PTPRO: variants seen among roughly 807,000 people sequenced by gnomAD.
PTPRO encodes the protein protein tyrosine phosphatase receptor type O, also known as receptor-type tyrosine-protein phosphatase O.
Under a neutral mutation model 145.2 loss-of-function variants are expected in PTPRO, and 62 were observed. The observed-to-expected ratio is 0.43, with a 90% CI of 0.35 to 0.53. The LOEUF (loss-of-function observed/expected upper bound fraction) is 0.53, where lower values mean the gene tolerates loss of function less well. Among genes scored for constraint, PTPRO ranks in the 20% least tolerant of loss-of-function variants. The pLI, the probability that PTPRO is intolerant of heterozygous loss-of-function variation, is 0.01. For synonymous variants in PTPRO, 565 were observed against 514.7 expected (o/e 1.10, Z -1.32); for missense variants, 1,345 against 1,482.7 (o/e 0.91, Z 1.53).
rs773054091 is a variant in PTPRO, at chr12:15,484,121, A to T, written c.223A>T (p.Asn75Tyr). ...KNYFFEFEEFNSTLPPPVIFK... is the reference protein window; with the variant it reads ...KNYFFEFEEFYSTLPPPVIFK... ...TTATTTCTTCGAATTTGAGGAATTC[A>T]ACAGCACTTTGCCTCCTCCTGTTAT... Residue 75 changes from asparagine (N) to tyrosine (Y), a missense_variant, in exon 2 of 27, where the codon AAC (asparagine) becomes TAC (tyrosine). Physicochemically the swap from Asn to Tyr is moderately radical, Grantham distance 143. Transcript: ENST00000281171. 6.2e-7 allele frequency: 1 copy of T among 1,613,866 alleles called. No homozygotes were observed. Among genetic ancestry groups the T allele is most frequent in the Non-Finnish European group, 8.5e-7 (1 of 1,179,826 alleles).
At chr12:15,504,366 A>G (rs906226594) in intron 6 of PTPRO, among the ~76,000 whole-genome samples, 1 of 152,190 alleles carries the variant, frequency 6.6e-6, no homozygotes, top group Non-Finnish European at 1.5e-5. Flanking sequence ...AAGGATGTGG[A>G]CATACAGTTT....
chr12:15,539,157 G>A (rs1943126488), intron 12 of PTPRO, among the ~76,000 whole-genome samples: 1 of 152,030 alleles, frequency 6.6e-6, no homozygotes. Context: ...GAATCAGAAG[G>A]GTGAGGGGGT....
At chr12:15,333,579 ATGCAGGTG>A (rs1323668510) in intron 1 of PTPRO, among the ~76,000 whole-genome samples, 1 of 152,224 alleles carries the variant, frequency 6.6e-6, no homozygotes, top group African/African-American at 2.4e-5. Context: ...GAATAGCAGG[ATGCAGGTG>A]TGCAAGCACA....
intron 2 of PTPRO, among the ~76,000 whole-genome samples, chr12:15,485,118 G>C (rs1311170015): frequency 6.6e-6 from 1 of 152,112 alleles, no homozygotes; most frequent in Non-Finnish European, 1.5e-5. Context: ...TGGAAAGACA[G>C]TGATATTATC....
chr12:15,508,688 G>T lies in PTPRO; in HGVS notation c.1385G>T (p.Ser462Ile). 6.2e-7 allele frequency: 1 copy of T among 1,614,060 alleles called. No homozygotes were observed. The highest frequency in any genetic ancestry group is 2.2e-5 in the East Asian group (1 of 44,860). Residue 462 changes from serine (S) to isoleucine (I), a missense_variant, in exon 7 of 27, where the codon AGC (serine) becomes ATC (isoleucine). Ser to Ile is a moderately radical substitution (Grantham distance 142). Coordinates refer to ENST00000281171, the MANE Select transcript of PTPRO (RefSeq NM_030667.3). ...SWTSSQENYNSTIVSVVSLTC... is the reference protein window; with the variant it reads ...SWTSSQENYNITIVSVVSLTC... The stretch of plus-strand genomic sequence containing the variant: ...ACATCTTCCCAAGAGAACTACAACA[G>T]CACCATTGTGTCTGTGGTGTCGCTG...
intron 1 of PTPRO, among the ~76,000 whole-genome samples, chr12:15,413,747 G>A (rs1045383214): frequency 1.3e-5 from 2 of 152,062 alleles, no homozygotes; most frequent in Non-Finnish European, 2.9e-5. Context: ...CCTGAGAGGC[G>A]GAGGTTGCAG....
At chr12:15,583,502 A>C (rs531260469) in intron 23 of PTPRO, among the ~76,000 whole-genome samples, 8 of 148,306 alleles carry the variant, frequency 5.4e-5, no homozygotes, top group East Asian at 2.0e-4. Context: ...CACACACAAA[A>C]AAAATCAACA....
chr12:15,429,907 G>A (rs1170110161), intron 1 of PTPRO, among the ~76,000 whole-genome samples: 1 of 152,154 alleles, frequency 6.6e-6, no homozygotes, highest in Non-Finnish European at 1.5e-5. Context: ...GAAGGTAAGA[G>A]AGGAGTTGAA....
At chr12:15,483,456 A>G (rs1435761095) in intron 1 of PTPRO, among the ~76,000 whole-genome samples, 1 of 152,150 alleles carries the variant, frequency 6.6e-6, no homozygotes, top group Non-Finnish European at 1.5e-5. Context: ...ACAAGGATCA[A>G]CACCAGTTTC....
intron 1 of PTPRO, among the ~76,000 whole-genome samples, chr12:15,324,981 T>C (rs1866406950): frequency 6.6e-6 from 1 of 152,084 alleles, no homozygotes; most frequent in African/African-American, 2.4e-5. Flanking sequence ...CTCAAGCAGG[T>C]TGTGACTGGA....
At chr12:15,522,212 A>C (rs7955270) in intron 10 of PTPRO, among the ~76,000 whole-genome samples, 65,632 of 150,672 alleles carry the variant, frequency 0.44, 14,846 homozygotes, top group African/African-American at 0.55. Flanking sequence ...TTTTCTAAAC[A>C]TATTGAAAAT....
intron 12 of PTPRO, among the ~76,000 whole-genome samples, chr12:15,540,016 A>C (rs1943149854): frequency 6.6e-6 from 1 of 152,082 alleles, no homozygotes; most frequent in South Asian, 2.1e-4. Context: ...GACAAGGTCT[A>C]ATAAACTTCA....
At chr12:15,404,013 G>C (rs1186496830) in intron 1 of PTPRO, among the ~76,000 whole-genome samples, 1 of 151,834 alleles carries the variant, frequency 6.6e-6, no homozygotes, top group South Asian at 2.1e-4. Context: ...TGGCTAACAC[G>C]GTGAAACCCC....
In PTPRO at chr12:15,557,472, C is replaced by T. The variant is rs376036166; in HGVS notation, c.2576C>T (p.Thr859Ile). The change falls in exon 16 of 27, where the codon ACA becomes ATA. Residue 859 changes from threonine (T) to isoleucine (I), a missense_variant. Thr to Ile is a moderately conservative substitution (Grantham distance 89). Transcript: ENST00000281171. The part of the protein sequence containing the change: ...LQMARECGAG[T>I]FVNFASLERD... ...TAAAACAGGGAGTGTGGAGCTGGTACATTTGTCAATTTTGCATCCTTAGAG... is the reference window on the plus strand; with the variant it reads ...TAAAACAGGGAGTGTGGAGCTGGTATATTTGTCAATTTTGCATCCTTAGAG... 1.2e-6 allele frequency: 2 copies of T among 1,613,756 alleles called. No individual in the cohort carries two copies. Among genetic ancestry groups the T allele is most frequent in the African/African-American group, 2.7e-5 (2 of 74,876 alleles).
rs1591776346 is a variant in PTPRO, at chr12:15,589,699, T to C, written c.3546+109T>C. 5 of 1,363,606 alleles carry C rather than the reference T, an allele frequency of 3.7e-6. No individual in the cohort carries two copies. The East Asian group carries it at 1.2e-4, about 33-fold the overall frequency. The allele number at this position is 1,363,606 out of a possible 1,614,324, so 84.5% of individuals were successfully genotyped here. On this transcript the variant is annotated intron_variant, in intron 25 of 26. Coordinates refer to ENST00000281171, the MANE Select transcript of PTPRO (RefSeq NM_030667.3). ...TCTCTCAAACTTCTTTGTATCTTTCTTTCCCATTTTCTTATTGTATATGTT... is the reference window on the plus strand; with the variant it reads ...TCTCTCAAACTTCTTTGTATCTTTCCTTCCCATTTTCTTATTGTATATGTT...
chr12:15,442,574 G>A (rs1021527401), intron 1 of PTPRO, among the ~76,000 whole-genome samples: 1 of 152,042 alleles, frequency 6.6e-6, no homozygotes, highest in African/African-American at 2.4e-5. Context: ...TGGACAATAT[G>A]ATTCTATACA....
chr12:15,337,464 C>T (rs1487141043), intron 1 of PTPRO: 7 of 152,160 alleles, frequency 4.6e-5, no homozygotes, highest in African/African-American at 1.7e-4. Context: ...TGGATGGTTA[C>T]CTCTTCCTGA....
chr12:15,454,714 T>A (rs1158086973), intron 1 of PTPRO, among the ~76,000 whole-genome samples: 1 of 152,208 alleles, frequency 6.6e-6, no homozygotes, highest in Non-Finnish European at 1.5e-5. Flanking sequence ...TACAATTTCA[T>A]GTCTCGTGTT....
chr12:15,417,263 C>T (rs1410144946), intron 1 of PTPRO, among the ~76,000 whole-genome samples: 1 of 151,650 alleles, frequency 6.6e-6, no homozygotes, highest in African/African-American at 2.4e-5. Context: ...CCCTGATAAG[C>T]CCATCATAAA....
Sources: allele counts gnomAD v4.1 joint callset (sites outside exome capture counted in the v4.1 genomes callset), GRCh38; gene constraint gnomAD v4.1.1; transcripts MANE v1.5; gene names NCBI Gene and HGNC (gene_info 2026-07-23, HGNC 2026-07-21).